The following PTPRZ1 variants were observed in gnomAD, a reference collection of about 807,000 sequenced individuals.
PTPRZ1 encodes receptor-type tyrosine-protein phosphatase zeta.
In PTPRZ1, 82 loss-of-function variants were observed where a neutral mutation model predicts 214.1. The observed-to-expected ratio is 0.38, with a 90% CI of 0.32 to 0.46. PTPRZ1 has a LOEUF of 0.46. Ranked by LOEUF, PTPRZ1 falls within the 20% of genes least tolerant of loss-of-function variation. The pLI is 1.00. For missense variants in PTPRZ1, 2,603 were observed against 2,748.7 expected, an observed-to-expected ratio of 0.95 and a Z score of 1.19; for synonymous variants, 945 against 987.9, an observed-to-expected ratio of 0.96 and a Z score of 0.81.
Position 121,983,692 on chromosome 7 carries a change from T to C in PTPRZ1, c.647T>C (p.Ile216Thr). Reference sequence around the variant, plus strand: ...AAGCAGGCTGCTTTAGATCCATTCATACTGTTGAACCTTCTGCCAAACTCA... The same window carrying C: ...AAGCAGGCTGCTTTAGATCCATTCACACTGTTGAACCTTCTGCCAAACTCA... ...FGKQAALDPF[I>T]LLNLLPNSTD... Residue 216 changes from isoleucine to threonine, a missense_variant, in exon 7 of 30, where the codon ATA becomes ACA. Transcript: ENST00000393386. 6.2e-6 allele frequency: 10 copies of C among 1,613,636 alleles called. No individual in the cohort carries two copies. The highest frequency in any genetic ancestry group is 8.5e-6 in the Non-Finnish European group (10 of 1,179,876).
intron 2 of PTPRZ1, among the ~76,000 whole-genome samples, chr7:121,935,597 C>T (rs1193728298): frequency 7.6e-6 from 1 of 131,992 alleles, no homozygotes; most frequent in African/African-American, 3.2e-5. Flanking sequence ...GAGTGTCTCA[C>T]TCAGTCGCCC....
rs144275429 is a variant in PTPRZ1 at position 122,051,907 on chromosome 7, G to A, written c.6220G>A (p.Gly2074Ser). 2.1e-5 allele frequency: 34 copies of A among 1,611,632 alleles called. No homozygotes were observed. The Middle Eastern group carries it at 5.0e-4, about 24-fold the overall frequency. The stretch of plus-strand genomic sequence containing the variant: ...TGGCATTTCATCCCTGAGTGGAGAA[G>A]GCACAGACTACATCAATGCCTCCTA... ...RVGISSLSGEGTDYINASYIM... is the reference protein window; with the variant it reads ...RVGISSLSGESTDYINASYIM... Residue 2074 changes from glycine (G) to serine (S), a missense_variant, in exon 25 of 30, where the codon GGC (glycine) becomes AGC (serine). Coordinates refer to ENST00000393386, the MANE Select transcript of PTPRZ1 (RefSeq NM_002851.3).
intron 13 of PTPRZ1, 109 bp downstream of exon 13, chr7:122,019,377 C>G (rs1371703201): frequency 2.7e-6 from 3 of 1,106,908 alleles, no homozygotes; most frequent in Non-Finnish European, 3.9e-6. Context: ...TACCTGAGAG[C>G]TGCCATTAAT....
intron 13 of PTPRZ1, among the ~76,000 whole-genome samples, chr7:122,020,190 ATT>A (rs1798974221): frequency 6.6e-6 from 1 of 152,132 alleles, no homozygotes; most frequent in South Asian, 2.1e-4. Flanking sequence ...AATATTTACC[ATT>A]GTTATTGATT....
In PTPRZ1 at chr7:122,054,025, A is replaced by T. The variant is rs1792271935; in HGVS notation, c.6368A>T (p.Asp2123Val). The change falls in exon 26 of 30, where the codon GAT becomes GTT. Residue 2123 changes from aspartate (D) to valine (V), a missense_variant. This residue lies in a region of PTPRZ1 where 134 missense variants were observed against 183.3 expected (regional missense o/e 0.73). Coordinates refer to ENST00000393386, the MANE Select transcript of PTPRZ1 (RefSeq NM_002851.3). ...HNAQLVVMIP[D>V]GQNMAEDEFV... ...GCCCAACTGGTGGTTATGATTCCTG[A>T]TGGCCAAAACATGGTAAGTCCCTTA... The T allele has an allele frequency of 2.5e-6, 4 of 1,613,004 alleles. No homozygotes were observed. In the East Asian group the frequency reaches 8.9e-5, roughly 36 times the overall value.
chr7:121,982,140 T>C (rs968779958), intron 6 of PTPRZ1, among the ~76,000 whole-genome samples: 1 of 152,212 alleles, frequency 6.6e-6, no homozygotes, highest in African/African-American at 2.4e-5. Context: ...TAGCACTGTT[T>C]ATTGAAAAGA....
chr7:122,002,228 T>A (rs573694778), intron 10 of PTPRZ1, among the ~76,000 whole-genome samples: 11 of 152,340 alleles, frequency 7.2e-5, no homozygotes, highest in Admixed American at 7.2e-4. Flanking sequence ...ATTGAAGTAT[T>A]CCTGGGAATT....
intron 25 of PTPRZ1, among the ~76,000 whole-genome samples, chr7:122,053,058 C>T (rs551403110): frequency 1.3e-5 from 2 of 152,226 alleles, no homozygotes; most frequent in South Asian, 4.1e-4. Context: ...TGAAAAACCA[C>T]AGTGTGAAAA....
Position 122,051,446 on chromosome 7 carries a change from A to G in PTPRZ1, c.6103A>G (p.Ile2035Val), listed in dbSNP as rs1792181900. 1.2e-6 allele frequency: 2 copies of G among 1,613,444 alleles called. No homozygotes were observed. The highest frequency in any genetic ancestry group is 1.7e-6 in the Non-Finnish European group (2 of 1,179,694). Residue 2035 changes from isoleucine to valine, a missense_variant, in exon 24 of 30, where the codon ATA becomes GTA. Coordinates refer to ENST00000393386, the MANE Select transcript of PTPRZ1 (RefSeq NM_002851.3). ...TGCCCAGCTCCTGAGCCAGTCAAATATACAGCAGAGTGACTATTCTGCAGC... is the reference window on the plus strand; with the variant it reads ...TGCCCAGCTCCTGAGCCAGTCAAATGTACAGCAGAGTGACTATTCTGCAGC... ...KQFQLLSQSN[I>V]QQSDYSAALK...
intron 12 of PTPRZ1, among the ~76,000 whole-genome samples, chr7:122,017,786 G>A (rs1206576907): frequency 6.6e-6 from 1 of 151,628 alleles, no homozygotes; most frequent in Admixed American, 6.6e-5. Context: ...TGGCCAGGCT[G>A]GTCTTGAACT....
intron 4 of PTPRZ1, among the ~76,000 whole-genome samples, chr7:121,975,943 C>A (rs1487365323): frequency 1.3e-5 from 2 of 152,076 alleles, no homozygotes; most frequent in Non-Finnish European, 1.5e-5. Flanking sequence ...TGTAATTGTT[C>A]TAATAAATTT....
At chr7:121,904,703 C>T (rs1795068189) in intron 1 of PTPRZ1, among the ~76,000 whole-genome samples, 1 of 152,000 alleles carries the variant, frequency 6.6e-6, no homozygotes, top group Non-Finnish European at 1.5e-5. Context: ...AGGATAGATT[C>T]CGGGGTTTCT....
At chr7:121,900,072 C>T (rs545744234) in intron 1 of PTPRZ1, among the ~76,000 whole-genome samples, 110 of 152,046 alleles carry the variant, frequency 7.2e-4, no homozygotes, top group African/African-American at 2.5e-3. Flanking sequence ...GAACAGGGCA[C>T]GAGAATAGGT....
At chr7:121,937,510 C>T (rs1185103882) in intron 2 of PTPRZ1, among the ~76,000 whole-genome samples, 1 of 137,732 alleles carries the variant, frequency 7.3e-6, no homozygotes, top group Non-Finnish European at 1.6e-5. Flanking sequence ...AACAACAGAG[C>T]CCCAGCAACT....
Position 122,042,694 on chromosome 7 carries a change from G to A in PTPRZ1, c.5888G>A (p.Gly1963Asp). Residue 1963 changes from glycine to aspartate, a missense_variant, in exon 22 of 30, where the codon GGC becomes GAC. Gly to Asp is a moderately conservative substitution (Grantham distance 94). Coordinates refer to ENST00000393386, the MANE Select transcript of PTPRZ1 (RefSeq NM_002851.3). ...CACGAAGGAACTGTCAACATATTTG[G>A]CTTCTTAAAACACATCCGTTCACAA... Reference protein sequence around the residue: ...IQHEGTVNIFGFLKHIRSQRN... With the variant: ...IQHEGTVNIFDFLKHIRSQRN... 1 of 1,613,594 alleles carries A rather than the reference G, an allele frequency of 6.2e-7. No individual in the cohort carries two copies.
At chr7:121,881,344 TA>T (rs1280696199) in intron 1 of PTPRZ1, among the ~76,000 whole-genome samples, 3 of 152,196 alleles carry the variant, frequency 2.0e-5, no homozygotes, top group African/African-American at 4.8e-5. Flanking sequence ...GGTATTTTGT[TA>T]TAGTAGCCCA....
At chr7:122,039,673 G>T in intron 20 of PTPRZ1, 85 bp downstream of exon 20, 1 of 1,499,432 alleles carries the variant, frequency 6.7e-7, no homozygotes, top group African/African-American at 1.4e-5. Flanking sequence ...ACCAAGAAAG[G>T]GTAAAAAGCA....
intron 2 of PTPRZ1, among the ~76,000 whole-genome samples, 164 bp downstream of exon 2, chr7:121,928,385 T>C (rs1452454291): frequency 6.6e-6 from 1 of 152,206 alleles, no homozygotes; most frequent in African/African-American, 2.4e-5. Flanking sequence ...CGATATCTTA[T>C]GGGCTTTCCA....
intron 2 of PTPRZ1, among the ~76,000 whole-genome samples, chr7:121,936,403 A>C (rs370643302): frequency 2.0e-5 from 3 of 152,222 alleles, no homozygotes; most frequent in African/African-American, 7.2e-5. Flanking sequence ...ATCTGTGAAT[A>C]CCATGTGACA....
Sources: allele counts gnomAD v4.1 joint callset (sites outside exome capture counted in the v4.1 genomes callset), GRCh38; gene constraint gnomAD v4.1.1; regional missense constraint gnomAD v4.1.1; transcripts MANE v1.5; gene names NCBI Gene and HGNC (gene_info 2026-07-23, HGNC 2026-07-21).